Variants in CAMK1D observed in about 807,000 individuals in gnomAD.
CAMK1D encodes the protein calcium/calmodulin-dependent protein kinase type 1D.
CAMK1D carries 9 observed loss-of-function variants against 47.7 expected under a neutral mutation model. The observed-to-expected ratio is 0.19, with a 90% CI of 0.11 to 0.33. The LOEUF is 0.33. Ranked by LOEUF, CAMK1D falls within the 10% of genes least tolerant of loss-of-function variation. CAMK1D has a pLI of 1.00. For missense variants in CAMK1D, 291 were observed against 488.7 expected (o/e 0.60, Z 3.81); for synonymous variants, 184 against 184.9 (o/e 0.99, Z 0.04).
At chr10:12,702,361 G>A (rs769633746) in intron 3 of CAMK1D, among the ~76,000 whole-genome samples, 1 of 152,196 alleles carries the variant, frequency 6.6e-6, no homozygotes, top group Non-Finnish European at 1.5e-5. Flanking sequence ...ACACCTCAGA[G>A]GCTTAGAACC....
intron 3 of CAMK1D, among the ~76,000 whole-genome samples, chr10:12,708,087 G>A (rs4592319): frequency 2.0e-4 from 30 of 152,250 alleles, no homozygotes; most frequent in South Asian, 1.7e-3. Flanking sequence ...CTCTCTAAAG[G>A]TCAGAATACA....
At chr10:12,543,895 A>G (rs1279757807) in intron 1 of CAMK1D, among the ~76,000 whole-genome samples, 2 of 152,226 alleles carry the variant, frequency 1.3e-5, no homozygotes. Flanking sequence ...CTGACTAGAT[A>G]AAGCAAAGCA....
chr10:12,693,678 C>A (rs1300612035), intron 3 of CAMK1D, among the ~76,000 whole-genome samples: 3 of 151,124 alleles, frequency 2.0e-5, no homozygotes, highest in African/African-American at 4.9e-5. Flanking sequence ...ACCTGGCCCG[C>A]TCTGTTGATT....
At chr10:12,752,280 G>A (rs991088445) in intron 3 of CAMK1D, among the ~76,000 whole-genome samples, 23 of 152,224 alleles carry the variant, frequency 1.5e-4, no homozygotes, top group Non-Finnish European at 1.2e-4. Context: ...ACAGGGGTGA[G>A]CCACCGCGCT....
chr10:12,668,712 T>C (rs1439106225), intron 3 of CAMK1D, among the ~76,000 whole-genome samples: 2 of 152,170 alleles, frequency 1.3e-5, no homozygotes, highest in Non-Finnish European at 2.9e-5. Flanking sequence ...TTCAAGTCGA[T>C]TTAGAATTTG....
chr10:12,493,498 C>CT (rs970741814), intron 1 of CAMK1D, among the ~76,000 whole-genome samples: 30 of 151,918 alleles, frequency 2.0e-4, no homozygotes, highest in Admixed American at 9.2e-4. Context: ...TCTTTTTCTT[C>CT]TTTTTTTTAA....
At chr10:12,656,852 A>T (rs915663276) in intron 2 of CAMK1D, among the ~76,000 whole-genome samples, 4 of 151,660 alleles carry the variant, frequency 2.6e-5, no homozygotes, top group African/African-American at 9.7e-5. Flanking sequence ...GTGTATATAC[A>T]TTTTTTTTAC....
chr10:12,499,121 T>C (rs1350032448), intron 1 of CAMK1D, among the ~76,000 whole-genome samples: 4 of 149,722 alleles, frequency 2.7e-5, no homozygotes, highest in African/African-American at 9.9e-5. Flanking sequence ...TAAAATCATA[T>C]ATGCTGTTTG....
At chr10:12,739,368 C>T (rs1178676706) in intron 3 of CAMK1D, among the ~76,000 whole-genome samples, 2 of 151,616 alleles carry the variant, frequency 1.3e-5, no homozygotes, top group Non-Finnish European at 2.9e-5. Flanking sequence ...CTCCGCCTCT[C>T]GGGTTTAAGC....
At chr10:12,792,932 A>G (rs376061291) in intron 6 of CAMK1D, among the ~76,000 whole-genome samples, 106 of 149,710 alleles carry the variant, frequency 7.1e-4, no homozygotes, top group African/African-American at 2.6e-3. Flanking sequence ...CATGGATCCT[A>G]TCCCCTAATA....
intron 3 of CAMK1D, among the ~76,000 whole-genome samples, chr10:12,754,244 G>T (rs893974290): frequency 3.3e-5 from 5 of 152,056 alleles, no homozygotes; most frequent in African/African-American, 1.2e-4. Context: ...CATCCCAGGA[G>T]TCCCTTCTGG....
intron 2 of CAMK1D, among the ~76,000 whole-genome samples, chr10:12,573,856 T>TTTG (rs58625849): frequency 8.2e-6 from 1 of 121,648 alleles, no homozygotes; most frequent in East Asian, 2.8e-4. Context: ...TTTTTTTTTT[T>TTTG]GTGGAGATGG....
chr10:12,506,343 C>T (rs1415312152), intron 1 of CAMK1D, among the ~76,000 whole-genome samples: 3 of 152,094 alleles, frequency 2.0e-5, no homozygotes, highest in Non-Finnish European at 4.4e-5. Context: ...TTGCTTGAAC[C>T]TGGGAGACGG....
intron 1 of CAMK1D, among the ~76,000 whole-genome samples, chr10:12,412,473 A>AAT (rs1274580897): frequency 2.0e-5 from 3 of 149,850 alleles, no homozygotes; most frequent in Non-Finnish European, 4.5e-5. Flanking sequence ...AAAAAAAAAA[A>AAT]TTAGCCAGGC....
chr10:12,421,516 T>C (rs985293014), intron 1 of CAMK1D, among the ~76,000 whole-genome samples: 12 of 102,296 alleles, frequency 1.2e-4, no homozygotes, highest in Non-Finnish European at 1.7e-4. Flanking sequence ...GGATTCTTTT[T>C]TTTTTTTTTT....
At chr10:12,762,012 C>A (rs921662270) in intron 4 of CAMK1D, among the ~76,000 whole-genome samples, 11 of 152,208 alleles carry the variant, frequency 7.2e-5, no homozygotes, top group Non-Finnish European at 1.5e-5. Context: ...GGCATATATG[C>A]CCCTCCCCAG....
At chr10:12,575,815 G>A (rs1350523327) in intron 2 of CAMK1D, among the ~76,000 whole-genome samples, 1 of 152,108 alleles carries the variant, frequency 6.6e-6, no homozygotes, top group Non-Finnish European at 1.5e-5. Flanking sequence ...ATGGATTTGT[G>A]GGTTGTATCC....
At chr10:12,754,947 C>T (rs1162319366) in intron 3 of CAMK1D, among the ~76,000 whole-genome samples, 1 of 152,134 alleles carries the variant, frequency 6.6e-6, no homozygotes, top group Non-Finnish European at 1.5e-5. Flanking sequence ...TAGGGGTACT[C>T]AGTTCAGTCC....
At chr10:12,766,526 G>A (rs1301483748) in intron 4 of CAMK1D, among the ~76,000 whole-genome samples, 1 of 152,000 alleles carries the variant, frequency 6.6e-6, no homozygotes. Flanking sequence ...GCATTCACCA[G>A]TGAAAGCTTC....
Sources: allele counts gnomAD v4.1 joint callset (sites outside exome capture counted in the v4.1 genomes callset), GRCh38; gene constraint gnomAD v4.1.1; transcripts MANE v1.5; gene names NCBI Gene and HGNC (gene_info 2026-07-23, HGNC 2026-07-21).